The following RFPL4A variants were observed in gnomAD, a reference collection of about 807,000 sequenced individuals.
RFPL4A encodes ret finger protein like 4A, also known as ret finger protein-like 4A.
Under a neutral mutation model 8.3 loss-of-function variants are expected in RFPL4A, and 4 were observed. The observed-to-expected ratio is 0.48, with a 90% CI of 0.24 to 1.10. The LOEUF is 1.10. Among genes scored for constraint, RFPL4A ranks in the 50% least tolerant of loss-of-function variants. The probability of loss-of-function intolerance (pLI) is 0.18; values close to 1 mark genes in which losing one functional copy is unlikely to be tolerated. For missense variants in RFPL4A, 111 were observed against 358.7 expected, an observed-to-expected ratio of 0.31 and a Z score of 5.58; for synonymous variants, 43 against 136.6, an observed-to-expected ratio of 0.31 and a Z score of 4.78.
upstream of RFPL4A, among the ~76,000 whole-genome samples, chr19:55,758,634 G>A (rs559437684): frequency 8.6e-5 from 13 of 151,586 alleles, no homozygotes; most frequent in South Asian, 2.5e-3. Context: ...TTCTTAATTA[G>A]AATCTTTACA....
upstream of RFPL4A, among the ~76,000 whole-genome samples, chr19:55,757,731 G>A (rs957373243): frequency 6.6e-6 from 1 of 152,076 alleles, no homozygotes; most frequent in South Asian, 2.1e-4. Flanking sequence ...AATTCTGAAC[G>A]GAAGAACTCC....
chr19:55,761,703 C>A (rs1989285813), intron 1 of RFPL4A, 89 bp from the exon 2 acceptor site: 1 of 1,467,382 alleles, frequency 6.8e-7, no homozygotes, highest in East Asian at 2.5e-5. Flanking sequence ...ATGATAGCTC[C>A]ATGCATGTAA....
chr19:55,762,339 C>G (rs1244142347), intron 2 of RFPL4A, among the ~76,000 whole-genome samples: 1 of 150,660 alleles, frequency 6.6e-6, no homozygotes, highest in Non-Finnish European at 1.5e-5. Flanking sequence ...TAATTTTCAT[C>G]AAATTATCCA....
At chr19:55,757,395 G>T (rs559332477), upstream of RFPL4A, among the ~76,000 whole-genome samples, 6 of 152,124 alleles carry the variant, frequency 3.9e-5, no homozygotes, top group South Asian at 1.2e-3. Context: ...AGAAAAGTTT[G>T]CTTGTACAGT....
intron 1 of RFPL4A, among the ~76,000 whole-genome samples, 156 bp downstream of exon 1, chr19:55,759,331 G>A (rs567074712): frequency 1.3e-5 from 2 of 152,224 alleles, no homozygotes; most frequent in East Asian, 3.9e-4. Flanking sequence ...CCTGGTAACA[G>A]TTAGGTAAGT....
chr19:55,759,892 T>C (rs1335144811), intron 1 of RFPL4A, among the ~76,000 whole-genome samples: 1 of 151,656 alleles, frequency 6.6e-6, no homozygotes. Context: ...AGAATTGCCT[T>C]CTTTTTTATG....
upstream of RFPL4A, among the ~76,000 whole-genome samples, chr19:55,758,211 C>T (rs1191129282): frequency 6.6e-6 from 1 of 152,292 alleles, no homozygotes; most frequent in Non-Finnish European, 1.5e-5. Flanking sequence ...TTGTGTTTCT[C>T]CATTTGCCTT....
upstream of RFPL4A, among the ~76,000 whole-genome samples, chr19:55,758,189 C>T (rs1273361984): frequency 6.6e-6 from 1 of 152,226 alleles, no homozygotes; most frequent in Non-Finnish European, 1.5e-5. Flanking sequence ...ATATGCACCA[C>T]AACGTAGAGA....
rs1449245423 is a variant in RFPL4A at position 55,759,185 on chromosome 19, A to G, written c.-10+10A>G. ...AACTCCAGAAGGAGAGGTGAGTTCA[A>G]TCTTATGGAATTCATTTTTACAAAA... On this transcript the variant is annotated intron_variant, in intron 1 of 2. Transcript: ENST00000434937. 1 of 152,622 alleles carries G rather than the reference A, an allele frequency of 6.6e-6. No individual in the cohort carries two copies. The highest frequency in any genetic ancestry group is 1.5e-5 in the Non-Finnish European group (1 of 67,988). The allele number at this position is 152,622 out of a possible 1,614,324, so 9.5% of individuals were successfully genotyped here.
chr19:55,762,228 C>T (rs1181516767), intron 2 of RFPL4A, 142 bp downstream of exon 2: 4 of 667,840 alleles, frequency 6.0e-6, no homozygotes, highest in Non-Finnish European at 1.0e-5. Flanking sequence ...CAGTTCTCAC[C>T]TTTGCGTAGA....
At chr19:55,759,558 T>G (rs1989240679) in intron 1 of RFPL4A, among the ~76,000 whole-genome samples, 1 of 150,768 alleles carries the variant, frequency 6.6e-6, no homozygotes, top group Admixed American at 6.6e-5. Flanking sequence ...TTTTTTTTTG[T>G]TCAGTTTTTT....
chr19:55,759,012 G>A (rs1219533132), upstream of RFPL4A: 4 of 147,712 alleles, frequency 2.7e-5, no homozygotes, highest in African/African-American at 5.1e-5. Flanking sequence ...AATGATGGCA[G>A]AATGAAATCA....
At chr19:55,762,136 T>A (rs1833784) in intron 2 of RFPL4A, 50 bp downstream of exon 2, 32 of 1,497,662 alleles carry the variant, frequency 2.1e-5, no homozygotes, top group Non-Finnish European at 2.8e-5. Context: ...ACTGGGAAAA[T>A]GTCTTTCAAA....
At chr19:55,760,748 C>T (rs2122390987) in intron 1 of RFPL4A, among the ~76,000 whole-genome samples, 1 of 151,708 alleles carries the variant, frequency 6.6e-6, no homozygotes. Flanking sequence ...ATTTTAATGA[C>T]AAGTGGCTAA....
upstream of RFPL4A, among the ~76,000 whole-genome samples, chr19:55,758,745 A>C (rs1173029746): frequency 1.3e-5 from 2 of 151,376 alleles, no homozygotes; most frequent in African/African-American, 4.9e-5. Context: ...TTGAAATGTG[A>C]AAAGGTGTGA....
At chr19:55,760,548 A>AT (rs1989260715) in intron 1 of RFPL4A, among the ~76,000 whole-genome samples, 1 of 151,400 alleles carries the variant, frequency 6.6e-6, no homozygotes, top group Non-Finnish European at 1.5e-5. Context: ...AAAAGCAGAG[A>AT]TTTTTTAGAA....
chr19:55,759,546 A>AG (rs1555798589), intron 1 of RFPL4A, among the ~76,000 whole-genome samples: 2 of 144,182 alleles, frequency 1.4e-5, no homozygotes, highest in African/African-American at 5.2e-5. Flanking sequence ...TTATTTTCTG[A>AG]TTTTTTTTTT....
intron 1 of RFPL4A, among the ~76,000 whole-genome samples, chr19:55,760,657 A>T (rs1367302880): frequency 6.6e-6 from 1 of 151,580 alleles, no homozygotes; most frequent in Non-Finnish European, 1.5e-5. Context: ...CACGGTCATT[A>T]CTGTGGCAAT....
At position 55,762,337 on chromosome 19, in the gene RFPL4A, A is replaced by C. The variant is rs1381460541; in HGVS notation, c.286+251A>C. Among the ~76,000 whole-genome samples the C allele has an allele frequency of 2.7e-5, 4 of 150,834 alleles. 1 individual carries two copies. Among genetic ancestry groups the C allele is most frequent in the Non-Finnish European group, 4.4e-5 (3 of 67,850 alleles). On this transcript the variant is annotated intron_variant, in intron 2 of 2. Coordinates refer to ENST00000434937, the MANE Select transcript of RFPL4A (RefSeq NM_001145014.2). ...TGTGCTAAATGGAAAGCTAATTTTC[A>C]TCAAATTATCCACTAACTTATTTCG...
Sources: gnomAD v4.1 joint callset for allele counts (sites outside exome capture counted in the v4.1 genomes callset) on GRCh38, gnomAD v4.1.1 for gene constraint, MANE v1.5 for transcripts, NCBI Gene and HGNC (gene_info 2026-07-23, HGNC 2026-07-21) for gene names.